Variants in RARRES1 observed in about 807,000 individuals in gnomAD.
RARRES1 encodes retinoic acid receptor responder protein 1.
In RARRES1, 34 loss-of-function variants were observed where a neutral mutation model predicts 30.6. The observed-to-expected ratio is 1.11, with a 90% confidence interval of 0.84 to 1.48. RARRES1 has a LOEUF of 1.48. Ranked by LOEUF, RARRES1 falls within the 40% of genes most tolerant of loss-of-function variation. RARRES1 has a pLI of 0.00. For missense variants in RARRES1, 373 were observed against 386.5 expected (o/e 0.97, Z 0.29); for synonymous variants, 153 against 155.5 (o/e 0.98, Z 0.12).
chr3:158,726,455 A>G (rs1409061432), intron 1 of RARRES1, among the ~76,000 whole-genome samples: 1 of 152,226 alleles, frequency 6.6e-6, no homozygotes. Flanking sequence ...GCTCCTGCCT[A>G]GTGGCCTATA....
Position 158,697,939 on chromosome 3 carries a change from T to C in RARRES1, c.704A>G (p.Tyr235Cys). 1 of 1,542,082 alleles carries C rather than the reference T, an allele frequency of 6.5e-7. No individual in the cohort carries two copies. The highest frequency in any genetic ancestry group is 9.0e-7 in the Non-Finnish European group (1 of 1,116,786). ...KTNDDTIDFD[Y>C]TVLLHELSTQ... Reference sequence around the variant, plus strand: ...TGATAATTCATGAAGTAGAACAGTATAATCAAAATCAATTGTATCATCATT... The same window carrying C: ...TGATAATTCATGAAGTAGAACAGTACAATCAAAATCAATTGTATCATCATT... Residue 235 changes from tyrosine to cysteine, a missense_variant, in exon 5 of 6, where the codon TAT becomes TGT. Tyr to Cys is a radical substitution (Grantham distance 194, BLOSUM62 -2). Transcript: ENST00000237696.
chr3:158,705,085 A>G (rs924059821), intron 3 of RARRES1, among the ~76,000 whole-genome samples, 158 bp from the exon 4 acceptor site: 6 of 152,188 alleles, frequency 3.9e-5, no homozygotes, highest in African/African-American at 1.2e-4. Flanking sequence ...ATCTGTTTCT[A>G]TGTTAGTATG....
chr3:158,699,243 C>T (rs1726646156), intron 4 of RARRES1, among the ~76,000 whole-genome samples: 2 of 152,082 alleles, frequency 1.3e-5, no homozygotes, highest in East Asian at 3.8e-4. Context: ...TTTTTTGTCC[C>T]AGAAGGGAAA....
At chr3:158,724,511 C>T (rs982884349) in intron 1 of RARRES1, among the ~76,000 whole-genome samples, 1 of 152,094 alleles carries the variant, frequency 6.6e-6, no homozygotes, top group Non-Finnish European at 1.5e-5. Context: ...AGTCATGAGC[C>T]AAGGAGCACA....
chr3:158,720,275 A>T (rs201550312), intron 1 of RARRES1, among the ~76,000 whole-genome samples: 1,296 of 83,522 alleles, frequency 0.016, 18 homozygotes, highest in African/African-American at 0.043. Flanking sequence ...TATGTGTGTG[A>T]GAGAGAGAGA....
intron 4 of RARRES1, among the ~76,000 whole-genome samples, chr3:158,704,460 G>T (rs1305540944): frequency 6.6e-6 from 1 of 151,906 alleles, no homozygotes; most frequent in Non-Finnish European, 1.5e-5. Context: ...TCAAACTCCT[G>T]ACCTCAAGTG....
At chr3:158,721,971 AT>A (rs776473386) in intron 1 of RARRES1, among the ~76,000 whole-genome samples, 4 of 151,694 alleles carry the variant, frequency 2.6e-5, no homozygotes, top group Non-Finnish European at 4.4e-5. Flanking sequence ...CACACCTGTA[AT>A]TCCAGCTACT....
intron 1 of RARRES1, among the ~76,000 whole-genome samples, chr3:158,719,428 C>T (rs1465198979): frequency 6.6e-6 from 1 of 152,038 alleles, no homozygotes; most frequent in Non-Finnish European, 1.5e-5. Context: ...TTTGCCACCA[C>T]ACCCGGCTAA....
chr3:158,703,234 T>G (rs1024633334), intron 4 of RARRES1, among the ~76,000 whole-genome samples: 1 of 152,160 alleles, frequency 6.6e-6, no homozygotes, highest in African/African-American at 2.4e-5. Flanking sequence ...GGCCACTGTT[T>G]CCTGCTTTCC....
At chr3:158,703,253 G>T (rs1053482096) in intron 4 of RARRES1, among the ~76,000 whole-genome samples, 1 of 152,084 alleles carries the variant, frequency 6.6e-6, no homozygotes, top group African/African-American at 2.4e-5. Flanking sequence ...CCCTCTATGT[G>T]AACTCTCCGT....
At chr3:158,719,519 G>A (rs1412016738) in intron 1 of RARRES1, among the ~76,000 whole-genome samples, 1 of 152,134 alleles carries the variant, frequency 6.6e-6, no homozygotes, top group South Asian at 2.1e-4. Context: ...TGATCCACCT[G>A]TCTTGGCCTC....
chr3:158,719,382 C>T (rs1330138192), intron 1 of RARRES1, among the ~76,000 whole-genome samples: 2 of 151,722 alleles, frequency 1.3e-5, no homozygotes, highest in East Asian at 3.9e-4. Flanking sequence ...AGCGATTGTC[C>T]TGCCTCAGCC....
At chr3:158,709,324 G>T (rs1727035696) in intron 3 of RARRES1, among the ~76,000 whole-genome samples, 1 of 152,162 alleles carries the variant, frequency 6.6e-6, no homozygotes, top group East Asian at 1.9e-4. Context: ...GTGTTTTAAG[G>T]AGTACAGATA....
intron 4 of RARRES1, among the ~76,000 whole-genome samples, chr3:158,703,920 T>C (rs113790993): frequency 8.7e-4 from 132 of 152,266 alleles, no homozygotes; most frequent in Admixed American, 1.3e-3. Context: ...GTCCAGAAGA[T>C]TATACAAATT....
chr3:158,719,365 G>A (rs1000041900), intron 1 of RARRES1, among the ~76,000 whole-genome samples: 32 of 150,702 alleles, frequency 2.1e-4, no homozygotes, highest in African/African-American at 7.3e-4. Flanking sequence ...TCCACCTCCC[G>A]GGTTCAAGCG....
At position 158,710,818 on chromosome 3, in the gene RARRES1, T is replaced by G. The variant is rs148335389; in HGVS notation, c.455A>C (p.Lys152Thr). 8.7e-6 allele frequency: 14 copies of G among 1,613,802 alleles called. No homozygotes were observed. In the African/African-American group the frequency reaches 1.9e-4, roughly 22 times the overall value. ...NVTCTRLIEK[K>T]KRQQEDYLLY... ...CAGGTAATCCTCTTGTTGTCTTTTC[T>G]TTTTCTCGATGAGCCGTGTACAAGT... The change falls in exon 3 of 6, where the codon AAG (lysine) becomes ACG (threonine). Residue 152 changes from lysine (K) to threonine (T), a missense_variant. Physicochemically the swap from Lys to Thr is moderately conservative, Grantham distance 78. Coordinates refer to ENST00000237696, the MANE Select transcript of RARRES1 (RefSeq NM_206963.2).
At chr3:158,731,520 A>G (rs1330623469) in intron 1 of RARRES1, among the ~76,000 whole-genome samples, 1 of 152,256 alleles carries the variant, frequency 6.6e-6, no homozygotes, top group Non-Finnish European at 1.5e-5. Context: ...CGGTTCATAT[A>G]GAACACTGGG....
intron 1 of RARRES1, among the ~76,000 whole-genome samples, chr3:158,719,513 C>G (rs753114083): frequency 2.6e-5 from 4 of 152,156 alleles, no homozygotes; most frequent in South Asian, 2.1e-4. Flanking sequence ...CTCAGGTGAT[C>G]CACCTGTCTT....
intron 4 of RARRES1, among the ~76,000 whole-genome samples, chr3:158,703,664 C>T (rs1465283350): frequency 6.6e-6 from 1 of 152,164 alleles, no homozygotes; most frequent in Non-Finnish European, 1.5e-5. Context: ...ATGGGCAGTT[C>T]TCAGTCCTCA....
Sources: allele counts gnomAD v4.1 joint callset (sites outside exome capture counted in the v4.1 genomes callset), GRCh38; gene constraint gnomAD v4.1.1; transcripts MANE v1.5; gene names NCBI Gene and HGNC (gene_info 2026-07-23, HGNC 2026-07-21).